Variants in GMDS observed in about 807,000 individuals in gnomAD.
GMDS encodes GDP-mannose 4,6 dehydratase.
Under a neutral mutation model 49.9 loss-of-function variants are expected in GMDS, and 20 were observed. The ratio of observed to expected loss-of-function variants is 0.40; its 90% confidence interval spans 0.28 to 0.58. GMDS has a LOEUF of 0.58. Ranked by LOEUF, GMDS falls within the 20% of genes least tolerant of loss-of-function variation. The pLI, the probability that GMDS is intolerant of heterozygous loss-of-function variation, is 0.42. For missense variants in GMDS, 362 were observed against 481.4 expected (o/e 0.75, Z 2.32); for synonymous variants, 177 against 178.6 (o/e 0.99, Z 0.07).
chr6:2,199,026 A>G (rs1779395012), intron 1 of GMDS, among the ~76,000 whole-genome samples: 1 of 152,256 alleles, frequency 6.6e-6, no homozygotes, highest in African/African-American at 2.4e-5. Context: ...ATCTTTATAC[A>G]TAAAGCTGAA....
chr6:2,190,724 A>C (rs549158398), intron 1 of GMDS, among the ~76,000 whole-genome samples: 41 of 152,282 alleles, frequency 2.7e-4, no homozygotes, highest in African/African-American at 9.6e-4. Flanking sequence ...AGCACCTATC[A>C]CTGCCTATCA....
At chr6:2,095,194 G>A (rs952152649) in intron 4 of GMDS, among the ~76,000 whole-genome samples, 13 of 152,220 alleles carry the variant, frequency 8.5e-5, no homozygotes, top group South Asian at 2.1e-4. Flanking sequence ...GCCTGATCAC[G>A]TGCACACCTG....
intron 1 of GMDS, among the ~76,000 whole-genome samples, chr6:2,231,486 C>T (rs1428903916): frequency 6.6e-6 from 1 of 152,096 alleles, no homozygotes; most frequent in Non-Finnish European, 1.5e-5. Context: ...ATGGCTTGAG[C>T]CCAGGAGGCG....
At chr6:1,955,478 TTC>T (rs1003057906) in intron 6 of GMDS, among the ~76,000 whole-genome samples, 7 of 152,154 alleles carry the variant, frequency 4.6e-5, no homozygotes, top group South Asian at 2.1e-4. Context: ...AATTCTAAAA[TTC>T]TGTTATTCTT....
intron 7 of GMDS, among the ~76,000 whole-genome samples, chr6:1,799,066 C>T (rs958516540): frequency 6.6e-6 from 1 of 152,184 alleles, no homozygotes; most frequent in Non-Finnish European, 1.5e-5. Flanking sequence ...CAAACCTTTA[C>T]TCCTACCGAT....
At chr6:2,158,141 T>A (rs1267917604) in intron 1 of GMDS, among the ~76,000 whole-genome samples, 2 of 152,166 alleles carry the variant, frequency 1.3e-5, no homozygotes, top group African/African-American at 2.4e-5. Flanking sequence ...CAGCTTTTAT[T>A]TTCCCTTCAT....
At chr6:2,080,102 T>C (rs770405512) in intron 4 of GMDS, among the ~76,000 whole-genome samples, 1 of 152,218 alleles carries the variant, frequency 6.6e-6, no homozygotes, top group African/African-American at 2.4e-5. Flanking sequence ...TAGACTATTG[T>C]TGAATCTAAC....
In GMDS at chr6:2,175,065, G is replaced by A. The variant is rs191662797; in HGVS notation, c.103-50334C>T. On this transcript the variant is annotated intron_variant, in intron 1 of 10. Transcript: ENST00000380815. ...TCATCATCTGAAGGGGAAGGGGGGT[G>A]AGGGTAGCTATTTGAAACACAGTGC... 4.6e-5 allele frequency among the ~76,000 whole-genome samples: 7 copies of A among 152,306 alleles called. No homozygotes were observed. In the South Asian group the frequency reaches 1.0e-3, roughly 23 times the overall value.
intron 4 of GMDS, among the ~76,000 whole-genome samples, chr6:1,973,417 G>A (rs966960454): frequency 6.6e-6 from 1 of 152,182 alleles, no homozygotes; most frequent in African/African-American, 2.4e-5. Flanking sequence ...GCACAGGAGT[G>A]AATAAAGGGA....
chr6:2,071,152 C>CA (rs1771968167), intron 4 of GMDS, among the ~76,000 whole-genome samples: 1 of 152,174 alleles, frequency 6.6e-6, no homozygotes, highest in African/African-American at 2.4e-5. Context: ...CCCTACTGAA[C>CA]CCACATCCCA....
At chr6:1,691,374 G>A (rs1359681263) in intron 9 of GMDS, among the ~76,000 whole-genome samples, 2 of 152,016 alleles carry the variant, frequency 1.3e-5, no homozygotes, top group African/African-American at 4.8e-5. Flanking sequence ...GTGGGGGAGG[G>A]AGAGCATCAG....
At chr6:2,224,866 C>A (rs113491463) in intron 1 of GMDS, among the ~76,000 whole-genome samples, 14 of 152,278 alleles carry the variant, frequency 9.2e-5, no homozygotes, top group African/African-American at 3.1e-4. Context: ...TGTCCTTCAA[C>A]CCTCACCTAT....
intron 4 of GMDS, among the ~76,000 whole-genome samples, chr6:2,017,103 C>G (rs1037474934): frequency 6.6e-6 from 1 of 151,846 alleles, no homozygotes; most frequent in East Asian, 1.9e-4. Flanking sequence ...ATCAATGAAG[C>G]CAAAGGTAAT....
chr6:1,946,629 A>C (rs1763085501), intron 6 of GMDS, among the ~76,000 whole-genome samples: 1 of 152,240 alleles, frequency 6.6e-6, no homozygotes, highest in South Asian at 2.1e-4. Context: ...TTCCAGTATC[A>C]GATGCACTTA....
intron 4 of GMDS, among the ~76,000 whole-genome samples, chr6:2,078,575 C>T (rs576396170): frequency 1.3e-5 from 2 of 152,134 alleles, no homozygotes; most frequent in Admixed American, 1.3e-4. Flanking sequence ...CGTATAGTTT[C>T]CAAAGATCCT....
At chr6:1,875,234 A>C (rs1405755975) in intron 7 of GMDS, among the ~76,000 whole-genome samples, 2 of 152,128 alleles carry the variant, frequency 1.3e-5, no homozygotes, top group Non-Finnish European at 2.9e-5. Flanking sequence ...TAATATTTGA[A>C]TATCTCTGAT....
chr6:2,240,294 A>G (rs1488861673), intron 1 of GMDS, among the ~76,000 whole-genome samples: 1 of 152,242 alleles, frequency 6.6e-6, no homozygotes, highest in African/African-American at 2.4e-5. Flanking sequence ...AAAAGTCAAG[A>G]AATCTTTTAT....
chr6:1,999,931 T>TA (rs1348971184), intron 4 of GMDS, among the ~76,000 whole-genome samples: 9 of 72,970 alleles, frequency 1.2e-4, no homozygotes, highest in East Asian at 8.2e-4. Flanking sequence ...ATATTATATA[T>TA]TATTATATAT....
rs1028659944 is a variant in GMDS, at chr6:2,190,561, C to A, written c.102+54760G>T. On this transcript the variant is annotated intron_variant, in intron 1 of 10. Transcript: ENST00000380815. ...GTCAGTGTCCTCTCGGACAGGACCC[C>A]AAGAGGCTGCCACAATTTGGGAGAG... 4.8e-4 allele frequency among the ~76,000 whole-genome samples: 73 copies of A among 152,312 alleles called. 1 individual carries two copies. Among genetic ancestry groups the A allele is most frequent in the African/African-American group, 1.7e-3 (71 of 41,560 alleles).
Sources: gnomAD v4.1 joint callset for allele counts (sites outside exome capture counted in the v4.1 genomes callset) on GRCh38, gnomAD v4.1.1 for gene constraint, MANE v1.5 for transcripts, NCBI Gene and HGNC (gene_info 2026-07-23, HGNC 2026-07-21) for gene names.